COL20A1: variants seen among roughly 807,000 people sequenced by gnomAD.
The protein encoded by COL20A1 is collagen type XX alpha 1 chain.
In COL20A1, 164 loss-of-function variants were observed where a neutral mutation model predicts 152.9. The observed-to-expected ratio is 1.07, with a 90% CI of 0.94 to 1.22. COL20A1 has a LOEUF of 1.22. Ranked by LOEUF, COL20A1 falls within the 50% of genes most tolerant of loss-of-function variation. COL20A1 has a pLI of 0.00. For synonymous variants in COL20A1, 864 were observed against 756.0 expected (o/e 1.14, Z -2.34); for missense variants, 1,873 against 1,744.8 (o/e 1.07, Z -1.31).
At chr20:63,295,277 G>C in intron 2 of COL20A1, 88 bp downstream of exon 2, 1 of 821,108 alleles carries the variant, frequency 1.2e-6, no homozygotes, top group South Asian at 1.6e-5. Context: ...CCGCCCCTGA[G>C]CCCCGTCTTC....
In COL20A1 at chr20:63,305,620, T is replaced by C. The variant is rs564251133; in HGVS notation, c.337+60T>C. ...CTCCAGGCCGGGTCCCACCCTCCTC[T>C]GGGCTGGGGTCCCACCCTCCTCCAG... On this transcript the variant is annotated intron_variant, in intron 4 of 35. Transcript: ENST00000358894. The surrounding 1 kb of genome is among the most constrained non-coding windows in gnomAD (Gnocchi z 4.9). 5 of 1,502,902 alleles carry C rather than the reference T, an allele frequency of 3.3e-6. No individual in the cohort carries two copies. The highest frequency in any genetic ancestry group is 4.5e-6 in the Non-Finnish European group (5 of 1,120,692). The allele number at this position is 1,502,902 out of a possible 1,614,324, so 93.1% of individuals were successfully genotyped here.
intron 1 of COL20A1, among the ~76,000 whole-genome samples, chr20:63,294,694 C>T (rs1303693255): frequency 6.6e-6 from 1 of 152,204 alleles, no homozygotes; most frequent in Admixed American, 6.5e-5. Context: ...TCAGACATTG[C>T]CTGGAGAGCT....
At chr20:63,310,748 CA>C (rs1372250298) in intron 11 of COL20A1, among the ~76,000 whole-genome samples, 3 of 152,150 alleles carry the variant, frequency 2.0e-5, no homozygotes. Flanking sequence ...ACTGTAATCA[CA>C]GCCCATTATG....
intron 10 of COL20A1, 130 bp downstream of exon 10, chr20:63,310,045 G>T: frequency 1.1e-6 from 1 of 906,842 alleles, no homozygotes; most frequent in Non-Finnish European, 1.6e-6. Flanking sequence ...GTGTCGAGGG[G>T]CTGACAGCCC....
At chr20:63,325,995 T>C (rs2068241214) in intron 29 of COL20A1, 101 bp from the exon 30 acceptor site, 1 of 1,080,472 alleles carries the variant, frequency 9.3e-7, no homozygotes, top group Non-Finnish European at 1.4e-6. Flanking sequence ...CTTTGCTGCT[T>C]GGGTTACAGG....
At chr20:63,314,042 G>A in intron 18 of COL20A1, 30 bp from the exon 19 acceptor site, 2 of 1,612,396 alleles carry the variant, frequency 1.2e-6, no homozygotes, top group Admixed American at 1.7e-5. Flanking sequence ...TGCCCAGGAA[G>A]TGGGGACCAG....
At chr20:63,316,304 C>T (rs1019436769) in intron 20 of COL20A1, among the ~76,000 whole-genome samples, 4 of 151,766 alleles carry the variant, frequency 2.6e-5, no homozygotes, top group African/African-American at 9.7e-5. Context: ...GCCTGGGGAG[C>T]GGCCCCTCCC....
Position 63,306,089 on chromosome 20 carries a change from G to A in COL20A1, c.496+50G>A. On this transcript the variant is annotated intron_variant, in intron 5 of 35. Coordinates refer to ENST00000358894, the MANE Select transcript of COL20A1 (RefSeq NM_020882.4). This position sits in a 1 kb window ranked among gnomAD's most constrained non-coding sequence, Gnocchi z 6.9. ...AGTCTCCGGGGAGGGAGTGACCTTT[G>A]GTTTCCCACATTTCCCACCATGAGG... is the stretch of plus-strand genomic sequence containing the variant. 3 of 1,497,692 alleles carry A rather than the reference G, an allele frequency of 2.0e-6. No homozygotes were observed. The highest frequency in any genetic ancestry group is 2.7e-6 in the Non-Finnish European group (3 of 1,110,556). 92.8% of individuals were successfully genotyped at this position (1,497,692 alleles called of 1,614,324 possible). A position where few individuals can be genotyped will look rare whatever the true frequency, so the allele number is the denominator to read the frequency against.
chr20:63,313,105 T>A lies in COL20A1; in HGVS notation c.2077-12T>A. On this transcript the variant is annotated splice_polypyrimidine_tract_variant and intron_variant, in intron 16 of 35. Transcript: ENST00000358894. The surrounding 1 kb of genome is among the most constrained non-coding windows in gnomAD (Gnocchi z 5.9). ...CTGCACCCGGTGACCCCTGGGGCTC[T>A]CCTCTCCCTAGATCTCTGTCCCAGG... 1.9e-6 allele frequency: 3 copies of A among 1,602,754 alleles called. No homozygotes were observed. The highest frequency in any genetic ancestry group is 2.6e-6 in the Non-Finnish European group (3 of 1,175,422).
intron 3 of COL20A1, among the ~76,000 whole-genome samples, chr20:63,298,859 C>G (rs1312816558): frequency 1.3e-5 from 2 of 152,214 alleles, no homozygotes; most frequent in East Asian, 3.9e-4. Flanking sequence ...CTGTATGAAT[C>G]AGCACTGTGG....
At position 63,308,596 on chromosome 20, in the gene COL20A1, G is replaced by T; in HGVS notation, c.830G>T (p.Arg277Leu). Residue 277 changes from arginine to leucine, a missense_variant, in exon 8 of 36, where the codon CGT becomes CTT. By Grantham distance (102) the Arg-to-Leu change is moderately radical. Transcript: ENST00000358894. ...AACCTGCAGCCGGCGGCTGGCCTCC[G>T]TCCAGAGGCAGCCAAGGTGGTGATT... ...GQNLQPAAGLRPEAAKVVILV... is the reference protein window; with the variant it reads ...GQNLQPAAGLLPEAAKVVILV... 1 of 1,605,370 alleles carries T rather than the reference G, an allele frequency of 6.2e-7. No individual in the cohort carries two copies. Among genetic ancestry groups the T allele is most frequent in the Non-Finnish European group, 8.5e-7 (1 of 1,176,776 alleles).
At chr20:63,312,158 C>G in intron 14 of COL20A1, 103 bp downstream of exon 14, 2 of 1,344,720 alleles carry the variant, frequency 1.5e-6, no homozygotes, top group East Asian at 4.9e-5. Context: ...CATTCAAAAC[C>G]ACAGCGGCCA....
intron 3 of COL20A1, among the ~76,000 whole-genome samples, chr20:63,303,789 G>GTTCCTCCCTCCC (rs796383966): frequency 3.3e-5 from 5 of 152,192 alleles, no homozygotes; most frequent in African/African-American, 9.6e-5. Flanking sequence ...GCAGGTGTGG[G>GTTCCTCCCTCCC]TTCCTCCCTC....
chr20:63,313,239 C>T lies in COL20A1; in HGVS notation c.2199C>T (p.Arg733=), dbSNP rs746479651. The change falls in exon 17 of 36, where the codon CGC becomes CGT. Residue 733 remains arginine, a synonymous_variant. Transcript: ENST00000358894. The surrounding 1 kb of genome is among the most constrained non-coding windows in gnomAD (Gnocchi z 5.9). ...CCCGCAGTGACCCTGTGTCCCTCCG[C>T]TATACCCCCTGTAGGTGCCCCTCCA... is the stretch of plus-strand genomic sequence containing the variant. ...DGARSDPVSL[R]YTPSTVSRSP... 6 of 1,609,942 alleles carry T rather than the reference C, an allele frequency of 3.7e-6. No individual in the cohort carries two copies. The highest frequency in any genetic ancestry group is 3.3e-4 in the Middle Eastern group (2 of 6,050).
chr20:63,327,620 C>T (rs568181497), intron 31 of COL20A1: 6 of 351,798 alleles, frequency 1.7e-5, no homozygotes, highest in African/African-American at 1.0e-4. Context: ...GACCCGGGCC[C>T]GGGGCCCGGG....
Position 63,311,903 on chromosome 20 carries a change from C to A in COL20A1, c.1664-13C>A. The stretch of plus-strand genomic sequence containing the variant: ...GCCGCGTGCTGGCCTTGAGGCTCTG[C>A]TGTGCTTTGCAGCCACCCTGGCCCC... On this transcript the variant is annotated splice_polypyrimidine_tract_variant and intron_variant, in intron 13 of 35. Coordinates refer to ENST00000358894, the MANE Select transcript of COL20A1 (RefSeq NM_020882.4). This position sits in a 1 kb window ranked among gnomAD's most constrained non-coding sequence, Gnocchi z 4.4. The A allele has an allele frequency of 6.5e-7, 1 of 1,534,726 alleles. No individual in the cohort carries two copies.
Position 63,295,158 on chromosome 20 carries a change from G to T in COL20A1, c.51G>T (p.Leu17=). 1 of 1,555,468 alleles carries T rather than the reference G, an allele frequency of 6.4e-7. No individual in the cohort carries two copies. Among genetic ancestry groups the T allele is most frequent in the East Asian group, 2.4e-5 (1 of 41,248 alleles). The part of the protein sequence containing the change: ...AHLGLCLWLW[L]GATLGREQVQ... ...TCGGCCTCTGCCTCTGGCTGTGGCT[G>T]GGCGCCACCCTGGGAAGAGAGCAAG... is the stretch of plus-strand genomic sequence containing the variant. Residue 17 remains leucine (L), a synonymous_variant, in exon 2 of 36, where the codon CTG becomes CTT. Transcript: ENST00000358894.
chr20:63,317,329 G>A (rs778378010), intron 21 of COL20A1, among the ~76,000 whole-genome samples: 7 of 151,986 alleles, frequency 4.6e-5, no homozygotes, highest in Non-Finnish European at 8.8e-5. Context: ...AGCTGGGTGC[G>A]GTGGCAGGCA....
chr20:63,316,440 C>A, intron 20 of COL20A1, 113 bp from the exon 21 acceptor site: 8 of 575,978 alleles, frequency 1.4e-5, no homozygotes, highest in Admixed American at 3.7e-5. Flanking sequence ...ACCCCTCCCT[C>A]CCACCGCACT....
Sources: gnomAD v4.1 joint callset for allele counts (sites outside exome capture counted in the v4.1 genomes callset) on GRCh38, gnomAD v4.1.1 for gene constraint, Gnocchi (gnomAD v3.1) non-coding constraint, MANE v1.5 for transcripts, NCBI Gene and HGNC (gene_info 2026-07-23, HGNC 2026-07-21) for gene names.